The following CTNND2 variants were observed in gnomAD, a reference collection of about 807,000 sequenced individuals.
The protein encoded by CTNND2 is catenin delta 2, also known as catenin delta-2.
Under a neutral mutation model 144.4 loss-of-function variants are expected in CTNND2, and 22 were observed. The observed-to-expected ratio is 0.15, with a 90% confidence interval of 0.11 to 0.22. The LOEUF (loss-of-function observed/expected upper bound fraction) is 0.22, where lower values mean the gene tolerates loss of function less well. Among genes scored for constraint, CTNND2 ranks in the 10% least tolerant of loss-of-function variants. The probability of loss-of-function intolerance (pLI) is 1.00; values close to 1 mark genes in which losing one functional copy is unlikely to be tolerated. For synonymous variants in CTNND2, 751 were observed against 695.6 expected (o/e 1.08, Z -1.25); for missense variants, 1,353 against 1,618.8 (o/e 0.84, Z 2.82).
At chr5:11,377,843 T>C (rs1383882521) in intron 7 of CTNND2, among the ~76,000 whole-genome samples, 11 of 152,112 alleles carry the variant, frequency 7.2e-5, no homozygotes, top group East Asian at 1.9e-4. Flanking sequence ...TGGATAGAAA[T>C]TGGATAGGAA....
intron 6 of CTNND2, among the ~76,000 whole-genome samples, chr5:11,389,033 C>T (rs541268172): frequency 6.6e-6 from 1 of 152,196 alleles, no homozygotes; most frequent in South Asian, 2.1e-4. Flanking sequence ...TGATGTGTGA[C>T]TCTGAAAATA....
intron 2 of CTNND2, among the ~76,000 whole-genome samples, chr5:11,592,565 C>T (rs1034224044): frequency 2.6e-5 from 4 of 151,360 alleles, no homozygotes; most frequent in African/African-American, 9.7e-5. Context: ...AGGGAAATCC[C>T]AAAGATGCAA....
intron 9 of CTNND2, among the ~76,000 whole-genome samples, chr5:11,340,275 T>G (rs1039807971): frequency 6.6e-6 from 1 of 152,212 alleles, no homozygotes; most frequent in Non-Finnish European, 1.5e-5. Flanking sequence ...TGGTCATTTG[T>G]AGATGTCCCT....
chr5:11,153,346 T>TCATG (rs1757924105), intron 12 of CTNND2, among the ~76,000 whole-genome samples: 1 of 152,188 alleles, frequency 6.6e-6, no homozygotes, highest in African/African-American at 2.4e-5. Context: ...AGTTTGGGGC[T>TCATG]CATGATACAA....
chr5:11,263,191 A>C lies in CTNND2; in HGVS notation c.1629-26368T>G, dbSNP rs115317898. 5.1e-3 allele frequency among the ~76,000 whole-genome samples: 776 copies of C among 152,328 alleles called. 5 individuals carry two copies. Among genetic ancestry groups the C allele is most frequent in the African/African-American group, 0.018 (733 of 41,574 alleles). ...TTCTTTTTCCATTGACCCAGCATCG[A>C]TATCTCAACCTGCTTGACTTTATTG... On this transcript the variant is annotated intron_variant, in intron 9 of 21. Transcript: ENST00000304623.
chr5:11,225,178 C>A (rs1270880664), intron 10 of CTNND2, among the ~76,000 whole-genome samples: 1 of 152,166 alleles, frequency 6.6e-6, no homozygotes, highest in African/African-American at 2.4e-5. Flanking sequence ...AGCTGAATTT[C>A]TCCAGTATTG....
intron 2 of CTNND2, among the ~76,000 whole-genome samples, chr5:11,698,781 G>C (rs1041944587): frequency 6.6e-6 from 1 of 151,830 alleles, no homozygotes; most frequent in Non-Finnish European, 1.5e-5. Flanking sequence ...TACCACAACA[G>C]AGTTTAAAGT....
At chr5:11,745,324 T>C (rs1788248965) in intron 1 of CTNND2, among the ~76,000 whole-genome samples, 1 of 152,108 alleles carries the variant, frequency 6.6e-6, no homozygotes, top group Non-Finnish European at 1.5e-5. Context: ...TACTATATTA[T>C]TATATCAACA....
chr5:11,769,176 T>G (rs542423419), intron 1 of CTNND2, among the ~76,000 whole-genome samples: 1 of 152,152 alleles, frequency 6.6e-6, no homozygotes, highest in African/African-American at 2.4e-5. Context: ...CTTTCGGGAC[T>G]ACCTGCTCTA....
intron 3 of CTNND2, among the ~76,000 whole-genome samples, chr5:11,472,692 C>G (rs1036256818): frequency 6.6e-6 from 1 of 152,158 alleles, no homozygotes; most frequent in South Asian, 2.1e-4. Context: ...TATGATTAAA[C>G]TTTGTAAAAG....
chr5:11,406,946 A>G (rs1761147317), intron 5 of CTNND2, among the ~76,000 whole-genome samples: 1 of 152,220 alleles, frequency 6.6e-6, no homozygotes. Context: ...AGAAAAAATA[A>G]TTACTATTGC....
intron 10 of CTNND2, among the ~76,000 whole-genome samples, chr5:11,209,547 TAAAGGA>T: frequency 6.6e-6 from 1 of 152,278 alleles, no homozygotes; most frequent in East Asian, 1.9e-4. Flanking sequence ...AAAAATAAGT[TAAAGGA>T]AATCTATGAG....
At chr5:11,360,214 T>G (rs961603905) in intron 8 of CTNND2, among the ~76,000 whole-genome samples, 1 of 151,972 alleles carries the variant, frequency 6.6e-6, no homozygotes, top group Non-Finnish European at 1.5e-5. Context: ...AGAGGAGAGA[T>G]AGGAAAAGAT....
At chr5:11,126,480 A>G in intron 12 of CTNND2, among the ~76,000 whole-genome samples, 1 of 152,228 alleles carries the variant, frequency 6.6e-6, no homozygotes, top group East Asian at 1.9e-4. Flanking sequence ...AATAATTTCA[A>G]ATCAACAAAG....
chr5:11,856,211 C>A (rs1795242860), intron 1 of CTNND2, among the ~76,000 whole-genome samples: 1 of 152,108 alleles, frequency 6.6e-6, no homozygotes, highest in Admixed American at 6.5e-5. Context: ...AAATACAAAG[C>A]AAAATATATT....
intron 2 of CTNND2, among the ~76,000 whole-genome samples, chr5:11,632,640 G>T (rs1301054815): frequency 6.6e-6 from 1 of 152,096 alleles, no homozygotes; most frequent in Non-Finnish European, 1.5e-5. Flanking sequence ...ATTAGAAACT[G>T]CCTCTGAAGG....
rs563886820 is a variant in CTNND2, at chr5:11,682,571, G to A, written c.174+49565C>T. Among the ~76,000 whole-genome samples, 5 of 152,164 alleles carry A rather than the reference G, an allele frequency of 3.3e-5. No individual in the cohort carries two copies. In the East Asian group the frequency reaches 7.7e-4, roughly 24 times the overall value. ...TTCCTCCTTTAATTTCTTTCTTAACGGATTTTTGCTGTATCTATAAAGATG... is the reference window on the plus strand; with the variant it reads ...TTCCTCCTTTAATTTCTTTCTTAACAGATTTTTGCTGTATCTATAAAGATG... On this transcript the variant is annotated intron_variant, in intron 2 of 21. Transcript: ENST00000304623.
chr5:11,600,723 A>AAT (rs1157272839), intron 2 of CTNND2, among the ~76,000 whole-genome samples: 2 of 151,416 alleles, frequency 1.3e-5, no homozygotes, highest in African/African-American at 4.9e-5. Flanking sequence ...AAAAAAAAAA[A>AAT]AAAATGAAGA....
intron 9 of CTNND2, among the ~76,000 whole-genome samples, chr5:11,300,273 C>G (rs443133): frequency 0.21 from 31,392 of 152,034 alleles, 3,341 homozygotes; most frequent in Middle Eastern, 0.3. Flanking sequence ...TAAGAACCAA[C>G]CCCTCCTCCA....
Sources: gnomAD v4.1 joint callset for allele counts (sites outside exome capture counted in the v4.1 genomes callset) on GRCh38, gnomAD v4.1.1 for gene constraint, MANE v1.5 for transcripts, NCBI Gene and HGNC (gene_info 2026-07-23, HGNC 2026-07-21) for gene names.